The following CAPZB variants were observed in gnomAD, a reference collection of about 807,000 sequenced individuals.
The protein encoded by CAPZB is F-actin-capping protein subunit beta.
CAPZB carries 2 observed loss-of-function variants against 38.1 expected under a neutral mutation model. The observed-to-expected ratio is 0.05, with a 90% confidence interval of 0.02 to 0.17. The LOEUF is 0.17. Among genes scored for constraint, CAPZB ranks in the 10% least tolerant of loss-of-function variants. The pLI, the probability that CAPZB is intolerant of heterozygous loss-of-function variation, is 1.00. For missense variants in CAPZB, 161 were observed against 334.2 expected (o/e 0.48, Z 4.04); for synonymous variants, 107 against 127.4 (o/e 0.84, Z 1.08).
intron 1 of CAPZB, chr1:19,484,285 C>T: frequency 1.2e-6 from 2 of 1,610,814 alleles, no homozygotes; most frequent in East Asian, 2.2e-5. Context: ...TGCATCGTGT[C>T]CAGGCCATAT....
At chr1:19,436,780 A>T (rs1198797757) in intron 1 of CAPZB, among the ~76,000 whole-genome samples, 2 of 152,220 alleles carry the variant, frequency 1.3e-5, no homozygotes, top group Admixed American at 6.5e-5. Context: ...ACTGCTCCAT[A>T]AATTCTACAT....
chr1:19,429,292 AAAAG>A (rs1283227530), intron 1 of CAPZB, among the ~76,000 whole-genome samples: 4 of 152,180 alleles, frequency 2.6e-5, no homozygotes, highest in African/African-American at 4.8e-5. Context: ...ACAAAAAAAA[AAAAG>A]AAACTCTGAG....
intron 4 of CAPZB, among the ~76,000 whole-genome samples, chr1:19,365,458 G>A (rs928637035): frequency 6.6e-6 from 1 of 152,190 alleles, no homozygotes; most frequent in Admixed American, 6.5e-5. Context: ...CCTAGTGAAG[G>A]CTTCTGTGGA....
intron 4 of CAPZB, among the ~76,000 whole-genome samples, chr1:19,364,665 A>G (rs1383625453): frequency 6.6e-6 from 1 of 152,194 alleles, no homozygotes; most frequent in Non-Finnish European, 1.5e-5. Context: ...ATAAAAGAAC[A>G]GAAAACAATG....
intron 2 of CAPZB, among the ~76,000 whole-genome samples, chr1:19,406,851 G>A (rs903678101): frequency 2.0e-5 from 3 of 152,158 alleles, no homozygotes; most frequent in Non-Finnish European, 4.4e-5. Context: ...CATGCAGACA[G>A]CTACTACAAG....
intron 2 of CAPZB, among the ~76,000 whole-genome samples, chr1:19,413,591 C>G (rs1257057893): frequency 6.6e-6 from 1 of 152,212 alleles, no homozygotes; most frequent in Non-Finnish European, 1.5e-5. Flanking sequence ...ACCTTGGCCT[C>G]CCAAAGTGCT....
intron 6 of CAPZB, among the ~76,000 whole-genome samples, chr1:19,347,140 C>T (rs1202169926): frequency 2.0e-5 from 3 of 152,018 alleles, no homozygotes; most frequent in Non-Finnish European, 2.9e-5. Flanking sequence ...TGCACCTGGC[C>T]GACCCAACTT....
chr1:19,457,700 G>C (rs1014267367), intron 1 of CAPZB, among the ~76,000 whole-genome samples: 13 of 152,222 alleles, frequency 8.5e-5, no homozygotes. Flanking sequence ...TGCGGACGGT[G>C]TTATGAATCG....
intron 1 of CAPZB, among the ~76,000 whole-genome samples, chr1:19,467,037 A>C (rs1049451354): frequency 5.3e-5 from 8 of 151,784 alleles, no homozygotes; most frequent in Non-Finnish European, 8.8e-5. Context: ...CTGGGACTCC[A>C]GATGCACCAT....
At chr1:19,476,650 G>A (rs58434307) in intron 1 of CAPZB, among the ~76,000 whole-genome samples, 170 of 152,326 alleles carry the variant, frequency 1.1e-3, no homozygotes, top group African/African-American at 3.8e-3. Context: ...ACAAAGAACC[G>A]TCCTGTCCAG....
chr1:19,415,980 A>G (rs2094377170), intron 2 of CAPZB, among the ~76,000 whole-genome samples: 1 of 152,242 alleles, frequency 6.6e-6, no homozygotes, highest in Non-Finnish European at 1.5e-5. Context: ...CCCACTCTGG[A>G]CGATGGGAAT....
intron 4 of CAPZB, among the ~76,000 whole-genome samples, chr1:19,371,832 G>A (rs1396430779): frequency 6.6e-6 from 1 of 152,272 alleles, no homozygotes; most frequent in Non-Finnish European, 1.5e-5. Context: ...GAAATCAGGT[G>A]CAAACATTTC....
intron 1 of CAPZB, among the ~76,000 whole-genome samples, chr1:19,426,172 C>T (rs1432464433): frequency 6.6e-6 from 1 of 152,188 alleles, no homozygotes; most frequent in Non-Finnish European, 1.5e-5. Context: ...TATGCTGGCC[C>T]GAGGAGCTAG....
In CAPZB at chr1:19,357,295, T is replaced by C. The variant is rs549942290; in HGVS notation, c.471+127A>G. ...TCTTTATCCAAATGGCTTTGAGGCA[T>C]TTCTCAGAATTAGGGGTTCAGAGAT... On this transcript the variant is annotated intron_variant, in intron 5 of 8. Transcript: ENST00000264202. This position sits in a 1 kb window ranked among gnomAD's most constrained non-coding sequence, Gnocchi z 4.3. 240 of 819,518 alleles carry C rather than the reference T, an allele frequency of 2.9e-4. No individual in the cohort carries two copies. In the Middle Eastern group the frequency reaches 3.4e-3, roughly 12 times the overall value. The allele number at this position is 819,518 out of a possible 1,614,324, so 50.8% of individuals were successfully genotyped here. A position where few individuals can be genotyped will look rare whatever the true frequency, so the allele number is the denominator to read the frequency against.
intron 1 of CAPZB, among the ~76,000 whole-genome samples, chr1:19,455,163 C>G (rs2094529064): frequency 6.6e-6 from 1 of 152,202 alleles, no homozygotes; most frequent in Non-Finnish European, 1.5e-5. Flanking sequence ...GCCTCCCGTC[C>G]CGGGAGCAGG....
chr1:19,357,625 C>T lies in CAPZB; in HGVS notation c.330-62G>A. ...AAGGACAGATCATCAGCCTGGGTCCCAGGCTGCTGCTCAGCAAAGATTCTG... is the reference window on the plus strand; with the variant it reads ...AAGGACAGATCATCAGCCTGGGTCCTAGGCTGCTGCTCAGCAAAGATTCTG... On this transcript the variant is annotated intron_variant, in intron 4 of 8. Transcript: ENST00000264202. The surrounding 1 kb of genome is among the most constrained non-coding windows in gnomAD (Gnocchi z 4.3). 6.4e-7 allele frequency: 1 copy of T among 1,558,386 alleles called. No homozygotes were observed. The highest frequency in any genetic ancestry group is 8.8e-7 in the Non-Finnish European group (1 of 1,135,444).
At chr1:19,438,857 A>G (rs900693052) in intron 1 of CAPZB, among the ~76,000 whole-genome samples, 5 of 152,248 alleles carry the variant, frequency 3.3e-5, no homozygotes, top group African/African-American at 1.2e-4. Context: ...AGAGATCATT[A>G]GGAACGGTCG....
intron 2 of CAPZB, among the ~76,000 whole-genome samples, chr1:19,387,688 C>A (rs956446584): frequency 2.0e-5 from 3 of 152,168 alleles, no homozygotes; most frequent in Admixed American, 2.0e-4. Flanking sequence ...CTCCTGACTC[C>A]GCTGCGTACA....
chr1:19,455,886 C>T lies in CAPZB; in HGVS notation c.3+29550G>A, dbSNP rs560303177. Among the ~76,000 whole-genome samples, 8 of 152,302 alleles carry T rather than the reference C, an allele frequency of 5.3e-5. No individual in the cohort carries two copies. In the South Asian group the frequency reaches 6.2e-4, roughly 12 times the overall value. ...AGGAAAAACAAGGGCCAGTTTCCTACATTTTATAAGATTCTTATATGCAAG... is the reference window on the plus strand; with the variant it reads ...AGGAAAAACAAGGGCCAGTTTCCTATATTTTATAAGATTCTTATATGCAAG... On this transcript the variant is annotated intron_variant, in intron 1 of 8. Coordinates refer to ENST00000264202, the MANE Select transcript of CAPZB (RefSeq NM_004930.5).
Sources: gnomAD v4.1 joint callset for allele counts (sites outside exome capture counted in the v4.1 genomes callset) on GRCh38, gnomAD v4.1.1 for gene constraint, Gnocchi (gnomAD v3.1) non-coding constraint, MANE v1.5 for transcripts, NCBI Gene and HGNC (gene_info 2026-07-23, HGNC 2026-07-21) for gene names.